The following WWOX variants were observed in gnomAD, a reference collection of about 807,000 sequenced individuals.
WWOX encodes WW domain containing oxidoreductase, also known as WW domain-containing oxidoreductase.
Under a neutral mutation model 46.2 loss-of-function variants are expected in WWOX, and 69 were observed. The ratio of observed to expected loss-of-function variants is 1.49; its 90% CI spans 1.23 to 1.82. WWOX has a LOEUF of 1.82. Among genes scored for constraint, WWOX ranks in the 40% most tolerant of loss-of-function variants. The probability of loss-of-function intolerance (pLI) is 0.00; values close to 1 mark genes in which losing one functional copy is unlikely to be tolerated. For missense variants in WWOX, 919 were observed against 542.6 expected (o/e 1.69, Z -6.89); for synonymous variants, 359 against 202.6 (o/e 1.77, Z -6.56).
intron 3 of WWOX, among the ~76,000 whole-genome samples, chr16:78,113,934 A>G (rs2032631863): frequency 6.6e-6 from 1 of 151,972 alleles, no homozygotes; most frequent in Admixed American, 6.6e-5. Context: ...AATTTTACAC[A>G]CACATACTTT....
At chr16:78,204,562 C>G (rs1248979006) in intron 5 of WWOX, among the ~76,000 whole-genome samples, 1 of 152,150 alleles carries the variant, frequency 6.6e-6, no homozygotes, top group Non-Finnish European at 1.5e-5. Flanking sequence ...CAACCCCCCA[C>G]TACCCTTCCC....
In WWOX at chr16:78,916,314, C is replaced by T. The variant is rs188268153; in HGVS notation, c.1057-295294C>T. Among the ~76,000 whole-genome samples, 121 of 152,260 alleles carry T rather than the reference C, an allele frequency of 7.9e-4. 1 individual carries two copies. The highest frequency in any genetic ancestry group is 2.8e-3 in the African/African-American group (116 of 41,540). Reference sequence around the variant, plus strand: ...GGAGACCCTGTTTCAGAGGGGTTTCCTTTAGATAAAACAATAATACCATGC... The same window carrying T: ...GGAGACCCTGTTTCAGAGGGGTTTCTTTTAGATAAAACAATAATACCATGC... On this transcript the variant is annotated intron_variant, in intron 8 of 8. Coordinates refer to ENST00000566780, the MANE Select transcript of WWOX (RefSeq NM_016373.4).
chr16:78,989,339 A>T (rs984224743), intron 8 of WWOX, among the ~76,000 whole-genome samples: 1 of 152,184 alleles, frequency 6.6e-6, no homozygotes, highest in Non-Finnish European at 1.5e-5. Flanking sequence ...TATATGTCTG[A>T]TGAACTCATC....
At chr16:78,636,574 A>C (rs756135310) in intron 8 of WWOX, among the ~76,000 whole-genome samples, 1 of 152,148 alleles carries the variant, frequency 6.6e-6, no homozygotes, top group Non-Finnish European at 1.5e-5. Flanking sequence ...TTTGCTTACT[A>C]GTAATGACCC....
At chr16:78,881,861 G>C (rs1422144733) in intron 8 of WWOX, among the ~76,000 whole-genome samples, 1 of 152,198 alleles carries the variant, frequency 6.6e-6, no homozygotes, top group Admixed American at 6.5e-5. Flanking sequence ...GGTGGCTCAT[G>C]CCTGTAATCC....
intron 8 of WWOX, among the ~76,000 whole-genome samples, chr16:78,985,018 A>C (rs911917195): frequency 1.3e-5 from 2 of 151,850 alleles, no homozygotes; most frequent in Non-Finnish European, 2.9e-5. Context: ...GCCCAGCTCC[A>C]AGTGTTGCTG....
intron 8 of WWOX, among the ~76,000 whole-genome samples, chr16:78,799,295 A>T (rs141975908): frequency 9.1e-4 from 138 of 152,272 alleles, no homozygotes; most frequent in African/African-American, 2.8e-3. Flanking sequence ...AGTCTGTGAG[A>T]AGGAATGAAA....
At chr16:79,211,147 TG>T (rs931852506) in intron 8 of WWOX, among the ~76,000 whole-genome samples, 34 of 152,018 alleles carry the variant, frequency 2.2e-4, no homozygotes, top group African/African-American at 6.5e-4. Context: ...CAGCCCCACT[TG>T]GGTTTTCTAC....
chr16:79,073,303 C>T (rs144780264), intron 8 of WWOX, among the ~76,000 whole-genome samples: 3,592 of 151,978 alleles, frequency 0.024, 155 homozygotes, highest in African/African-American at 0.083. Context: ...CCTCAGCTTC[C>T]TGAGTAGCTG....
intron 8 of WWOX, among the ~76,000 whole-genome samples, chr16:78,857,227 A>G (rs1436204817): frequency 1.3e-5 from 2 of 152,236 alleles, no homozygotes; most frequent in East Asian, 1.9e-4. Context: ...ATAATGAACA[A>G]GAAATTCATT....
intron 8 of WWOX, among the ~76,000 whole-genome samples, chr16:79,089,595 G>C (rs932927649): frequency 6.6e-6 from 1 of 152,182 alleles, no homozygotes; most frequent in African/African-American, 2.4e-5. Flanking sequence ...GTCCCAACGT[G>C]CTGGGATTAC....
chr16:78,280,042 C>T lies in WWOX; in HGVS notation c.517-106818C>T, dbSNP rs1426186417. Among the ~76,000 whole-genome samples, 8 of 152,250 alleles carry T rather than the reference C, an allele frequency of 5.3e-5. No individual in the cohort carries two copies. In the East Asian group the frequency reaches 1.3e-3, roughly 26 times the overall value. On this transcript the variant is annotated intron_variant, in intron 5 of 8. Coordinates refer to ENST00000566780, the MANE Select transcript of WWOX (RefSeq NM_016373.4). ...TCAAAATCACTCTGTTCTCACCAGG[C>T]AACTGGAGTTTCGTCAGCTGAGTCT...
intron 5 of WWOX, among the ~76,000 whole-genome samples, chr16:78,263,265 G>A (rs760047445): frequency 6.6e-6 from 1 of 152,172 alleles, no homozygotes; most frequent in Non-Finnish European, 1.5e-5. Flanking sequence ...AGCAAGACCA[G>A]GACAACAGTG....
intron 8 of WWOX, among the ~76,000 whole-genome samples, chr16:79,094,001 A>T (rs1236668775): frequency 6.6e-6 from 1 of 152,174 alleles, no homozygotes; most frequent in African/African-American, 2.4e-5. Flanking sequence ...GGAATGAACG[A>T]ATACATGTAT....
intron 5 of WWOX, among the ~76,000 whole-genome samples, chr16:78,369,758 C>A (rs78772207): frequency 6.6e-6 from 1 of 152,112 alleles, no homozygotes; most frequent in East Asian, 1.9e-4. Flanking sequence ...AAATACGTTG[C>A]TTGTGGATAC....
chr16:78,358,206 C>T (rs55765039), intron 5 of WWOX, among the ~76,000 whole-genome samples: 31,826 of 151,996 alleles, frequency 0.21, 4,595 homozygotes, highest in African/African-American at 0.41. Flanking sequence ...AAGATAACCT[C>T]TTGTATTTAC....
chr16:78,248,761 C>A (rs996628153), intron 5 of WWOX, among the ~76,000 whole-genome samples: 1 of 151,234 alleles, frequency 6.6e-6, no homozygotes, highest in African/African-American at 2.4e-5. Context: ...AAATTTGACA[C>A]GAAATTTGGT....
At chr16:78,279,538 G>C (rs575635508) in intron 5 of WWOX, among the ~76,000 whole-genome samples, 1 of 152,216 alleles carries the variant, frequency 6.6e-6, no homozygotes, top group Admixed American at 6.5e-5. Context: ...ATTTGTGATG[G>C]GGTGTTTCCA....
intron 5 of WWOX, among the ~76,000 whole-genome samples, chr16:78,336,696 T>C (rs1350772913): frequency 6.6e-6 from 1 of 152,090 alleles, no homozygotes; most frequent in East Asian, 1.9e-4. Flanking sequence ...AGAGCTGCCA[T>C]CTTTTCTAAT....
Sources: allele counts gnomAD v4.1 joint callset (sites outside exome capture counted in the v4.1 genomes callset), GRCh38; gene constraint gnomAD v4.1.1; transcripts MANE v1.5; gene names NCBI Gene and HGNC (gene_info 2026-07-23, HGNC 2026-07-21).